Variants in LRP1B observed in about 807,000 individuals in gnomAD.
LRP1B encodes the protein low-density lipoprotein receptor-related protein 1B.
Under a neutral mutation model 556.6 loss-of-function variants are expected in LRP1B, and 217 were observed. The ratio of observed to expected loss-of-function variants is 0.39; its 90% CI spans 0.35 to 0.44. The LOEUF (loss-of-function observed/expected upper bound fraction) is 0.44, where lower values mean the gene tolerates loss of function less well. LRP1B is among the 20% of genes least tolerant of loss of function. LRP1B has a pLI of 1.00. For missense variants in LRP1B, 5,053 were observed against 5,620.8 expected, an observed-to-expected ratio of 0.90 and a Z score of 3.23; for synonymous variants, 2,047 against 1,865.8, an observed-to-expected ratio of 1.10 and a Z score of -2.50.
chr2:140,324,684 TA>T (rs1558802170), intron 80 of LRP1B, among the ~76,000 whole-genome samples: 1 of 152,072 alleles, frequency 6.6e-6, no homozygotes, highest in Non-Finnish European at 1.5e-5. Context: ...ATAGAATAAT[TA>T]TTCTAACTTT....
chr2:141,382,848 C>A (rs1689689920), intron 3 of LRP1B, among the ~76,000 whole-genome samples: 1 of 151,832 alleles, frequency 6.6e-6, no homozygotes, highest in Non-Finnish European at 1.5e-5. Context: ...ACAGTATAAG[C>A]AAAGAAAGCA....
chr2:140,754,307 T>G (rs1166238218), intron 35 of LRP1B, among the ~76,000 whole-genome samples: 1 of 152,140 alleles, frequency 6.6e-6, no homozygotes, highest in Non-Finnish European at 1.5e-5. Context: ...AGAGCCCCTC[T>G]GGAGTGAGAA....
intron 71 of LRP1B, among the ~76,000 whole-genome samples, chr2:140,367,613 A>G (rs6430898): frequency 0.44 from 67,103 of 151,516 alleles, 15,597 homozygotes; most frequent in Non-Finnish European, 0.53. Flanking sequence ...CAACTGTCTC[A>G]CTCTGAAAAC....
intron 2 of LRP1B, among the ~76,000 whole-genome samples, chr2:141,606,044 C>T (rs1687908613): frequency 1.3e-5 from 2 of 151,998 alleles, no homozygotes; most frequent in African/African-American, 2.4e-5. Context: ...ATGTTTGAAG[C>T]AATTTATGTC....
chr2:141,629,677 G>T (rs956738028), intron 2 of LRP1B, among the ~76,000 whole-genome samples: 7 of 152,078 alleles, frequency 4.6e-5, no homozygotes, highest in African/African-American at 1.7e-4. Context: ...AATTGTATGA[G>T]GTTGGTATTT....
At chr2:140,874,656 T>C (rs908521226) in intron 25 of LRP1B, among the ~76,000 whole-genome samples, 6 of 151,916 alleles carry the variant, frequency 3.9e-5, no homozygotes, top group African/African-American at 1.5e-4. Context: ...ACTACATCCG[T>C]TTATCTTTCT....
intron 1 of LRP1B, among the ~76,000 whole-genome samples, chr2:141,919,237 A>T (rs1468523180): frequency 6.6e-6 from 1 of 152,118 alleles, no homozygotes; most frequent in Non-Finnish European, 1.5e-5. Flanking sequence ...ATGGCTTACA[A>T]GCATGAAATT....
intron 35 of LRP1B, among the ~76,000 whole-genome samples, chr2:140,755,341 G>A (rs1289920565): frequency 6.6e-6 from 1 of 151,928 alleles, no homozygotes; most frequent in Non-Finnish European, 1.5e-5. Context: ...TACCCTGATA[G>A]CAAAGCCAAT....
chr2:141,850,092 A>T (rs1697794102), intron 1 of LRP1B, among the ~76,000 whole-genome samples: 1 of 151,772 alleles, frequency 6.6e-6, no homozygotes, highest in African/African-American at 2.4e-5. Context: ...CTGACACCCA[A>T]ACTGAATGAT....
At position 140,989,619 on chromosome 2, in the gene LRP1B, T is replaced by G. The variant is rs1353505887; in HGVS notation, c.2683A>C (p.Asn895His). 1.2e-6 allele frequency: 2 copies of G among 1,613,094 alleles called. No homozygotes were observed. Among genetic ancestry groups the G allele is most frequent in the Non-Finnish European group, 1.7e-6 (2 of 1,179,412 alleles). ...CATCTCTTGGGGATGCAGCGATTATTCTGGCATTTAAACTGATCATCAGGA... is the reference window on the plus strand; with the variant it reads ...CATCTCTTGGGGATGCAGCGATTATGCTGGCATTTAAACTGATCATCAGGA... ...SCPDDQFKCQNNRCIPKRWLC... is the reference protein window; with the variant it reads ...SCPDDQFKCQHNRCIPKRWLC... Residue 895 changes from asparagine (N) to histidine (H), a missense_variant, in exon 17 of 91, where the codon AAT becomes CAT. Asn to His is a moderately conservative substitution (Grantham distance 68). Transcript: ENST00000389484.
intron 2 of LRP1B, among the ~76,000 whole-genome samples, chr2:141,765,083 G>T (rs1558860748): frequency 7.7e-6 from 1 of 130,662 alleles, no homozygotes; most frequent in African/African-American, 2.8e-5. Flanking sequence ...GGCCAAGGCT[G>T]CCATTTCATA....
intron 41 of LRP1B, among the ~76,000 whole-genome samples, chr2:140,695,081 G>C (rs1686380846): frequency 6.6e-6 from 1 of 150,752 alleles, no homozygotes; most frequent in Admixed American, 6.6e-5. Flanking sequence ...TCTGCTTGGT[G>C]GGGTTTTTTA....
At chr2:142,002,076 T>C (rs367820900) in intron 1 of LRP1B, among the ~76,000 whole-genome samples, 27 of 152,178 alleles carry the variant, frequency 1.8e-4, no homozygotes, top group African/African-American at 6.5e-4. Flanking sequence ...CCAGTTTTGC[T>C]TAATTTCTAC....
intron 32 of LRP1B, among the ~76,000 whole-genome samples, chr2:140,787,019 A>T (rs143248609): frequency 3.2e-4 from 49 of 152,334 alleles, no homozygotes; most frequent in Admixed American, 8.5e-4. Context: ...AATTATTTTC[A>T]TTAGAAAAAG....
intron 2 of LRP1B, among the ~76,000 whole-genome samples, chr2:141,519,285 C>T (rs745891476): frequency 4.7e-5 from 7 of 147,970 alleles, no homozygotes; most frequent in Admixed American, 4.1e-4. Flanking sequence ...ATTCACAGCT[C>T]CTCAATGTTA....
At chr2:140,427,123 G>A (rs929063321) in intron 66 of LRP1B, among the ~76,000 whole-genome samples, 10 of 152,252 alleles carry the variant, frequency 6.6e-5, no homozygotes, top group African/African-American at 1.7e-4. Context: ...AAACTCCGGC[G>A]CCGGTCACGG....
intron 2 of LRP1B, among the ~76,000 whole-genome samples, chr2:141,633,232 T>C (rs1574167953): frequency 6.6e-6 from 1 of 152,282 alleles, no homozygotes; most frequent in African/African-American, 2.4e-5. Flanking sequence ...GGGAGCTCTC[T>C]CTCTGACTTA....
At position 141,678,188 on chromosome 2, in the gene LRP1B, T is replaced by C. The variant is rs935988808; in HGVS notation, c.205+132091A>G. Among the ~76,000 whole-genome samples, 3 of 152,272 alleles carry C rather than the reference T, an allele frequency of 2.0e-5. No individual in the cohort carries two copies. In the South Asian group the frequency reaches 6.2e-4, roughly 32 times the overall value. On this transcript the variant is annotated intron_variant, in intron 2 of 90. Transcript: ENST00000389484. Reference sequence around the variant, plus strand: ...TGAAGGAATATAAACCTGAGTATTATTGGCATCATAATCAATGTTTATCTA... The same window carrying C: ...TGAAGGAATATAAACCTGAGTATTACTGGCATCATAATCAATGTTTATCTA...
intron 33 of LRP1B, among the ~76,000 whole-genome samples, chr2:140,773,731 T>A (rs1689397716): frequency 6.6e-6 from 1 of 151,738 alleles, no homozygotes; most frequent in African/African-American, 2.4e-5. Context: ...ATCCTTTGTT[T>A]AGTCTCTAAG....
Sources: allele counts gnomAD v4.1 joint callset (sites outside exome capture counted in the v4.1 genomes callset), GRCh38; gene constraint gnomAD v4.1.1; transcripts MANE v1.5; gene names NCBI Gene and HGNC (gene_info 2026-07-23, HGNC 2026-07-21).